The following LOC400499 variants were observed in gnomAD, a reference collection of about 807,000 sequenced individuals.
chr16:11,411,946 T>G, the LOC400499 span, among the ~76,000 whole-genome samples: 1 of 151,880 alleles, frequency 6.6e-6, no homozygotes, highest in South Asian at 2.1e-4. Flanking sequence ...CACTGCAGCT[T>G]CGATCTCCCA....
At chr16:11,514,968 C>G in the LOC400499 span, among the ~76,000 whole-genome samples, 1,533 of 152,162 alleles carry the variant, frequency 0.01, 26 homozygotes, top group African/African-American at 0.035. Context: ...AAGCACTTGC[C>G]TCTTCAGGGA....
At chr16:11,393,438 A>G in the LOC400499 span, 1 of 1,232,258 alleles carries the variant, frequency 8.1e-7, no homozygotes, top group Non-Finnish European at 1.0e-6. Context: ...GGCCCGGAAC[A>G]CAGACAGCCT....
the LOC400499 span, among the ~76,000 whole-genome samples, chr16:11,410,462 T>A: frequency 6.6e-6 from 1 of 152,024 alleles, no homozygotes; most frequent in Non-Finnish European, 1.5e-5. Flanking sequence ...TCAAAAAAAA[T>A]TTAAAAATTA....
chr16:11,476,751 A>T, the LOC400499 span: 33 of 399,506 alleles, frequency 8.3e-5, no homozygotes, highest in East Asian at 1.1e-3. Flanking sequence ...TCCTGCCGGC[A>T]CTGGGCACCC....
chr16:11,498,744 T>G, the LOC400499 span, among the ~76,000 whole-genome samples: 1 of 151,456 alleles, frequency 6.6e-6, no homozygotes, highest in Non-Finnish European at 1.5e-5. Context: ...GTGAGGCAGG[T>G]AGAGGAAGCT....
chr16:11,414,131 C>T, the LOC400499 span, among the ~76,000 whole-genome samples: 3 of 152,218 alleles, frequency 2.0e-5, no homozygotes, highest in Admixed American at 6.5e-5. Context: ...GGGCACCCAT[C>T]CACACCAGCC....
chr16:11,518,318 G>C, the LOC400499 span, among the ~76,000 whole-genome samples: 5 of 152,176 alleles, frequency 3.3e-5, no homozygotes, highest in Admixed American at 2.0e-4. Flanking sequence ...CAGGCTGGCG[G>C]CTGCTCTGAG....
chr16:11,427,028 G>C, the LOC400499 span, among the ~76,000 whole-genome samples: 1 of 151,290 alleles, frequency 6.6e-6, no homozygotes, highest in African/African-American at 2.4e-5. Flanking sequence ...CATGTGACCT[G>C]TCTCAAAGGA....
the LOC400499 span, among the ~76,000 whole-genome samples, chr16:11,428,924 A>G: frequency 1.3e-5 from 2 of 152,004 alleles, no homozygotes; most frequent in South Asian, 4.2e-4. Context: ...GCAATCTTGC[A>G]TGGGAAATGG....
chr16:11,468,979 T>C, the LOC400499 span, among the ~76,000 whole-genome samples: 1 of 152,266 alleles, frequency 6.6e-6, no homozygotes, highest in Non-Finnish European at 1.5e-5. Flanking sequence ...TTAACATCAA[T>C]GACGGTGGGA....
At chr16:11,502,128 C>A in the LOC400499 span, 1 of 399,006 alleles carries the variant, frequency 2.5e-6, no homozygotes, top group Non-Finnish European at 4.4e-6. Flanking sequence ...CATCAGCTCA[C>A]CCCCAGAAAG....
the LOC400499 span, among the ~76,000 whole-genome samples, chr16:11,476,153 T>A: frequency 0.25 from 31,169 of 126,338 alleles, 3,535 homozygotes; most frequent in African/African-American, 0.33. Flanking sequence ...GGGGTCAGGA[T>A]AGAGGGGGAC....
the LOC400499 span, among the ~76,000 whole-genome samples, chr16:11,481,845 G>A: frequency 2.8e-4 from 42 of 152,014 alleles, no homozygotes; most frequent in Middle Eastern, 3.4e-3. Flanking sequence ...ATGTTGACCC[G>A]GCTGGTCTTG....
the LOC400499 span, among the ~76,000 whole-genome samples, chr16:11,396,092 C>T: frequency 6.6e-6 from 1 of 152,218 alleles, no homozygotes; most frequent in Non-Finnish European, 1.5e-5. Flanking sequence ...AGGCACTGCT[C>T]TAAGCGATCT....
the LOC400499 span, chr16:11,372,595 T>C: frequency 3.7e-6 from 1 of 267,552 alleles, no homozygotes; most frequent in African/African-American, 2.3e-5. Context: ...TTGCAGCACG[T>C]GCGGTTCTGA....
chr16:11,435,570 C>T, the LOC400499 span: 7 of 398,334 alleles, frequency 1.8e-5, no homozygotes, highest in Admixed American at 4.4e-5. Flanking sequence ...AGAAGAGGGG[C>T]CTCTGAGTGA....
the LOC400499 span, among the ~76,000 whole-genome samples, chr16:11,432,900 T>C: frequency 1.6e-4 from 25 of 152,368 alleles, no homozygotes; most frequent in African/African-American, 5.3e-4. Flanking sequence ...GAGGAACTCA[T>C]GGCATGAATT....
At chr16:11,390,665 G>C in the LOC400499 span, among the ~76,000 whole-genome samples, 1 of 152,210 alleles carries the variant, frequency 6.6e-6, no homozygotes, top group Admixed American at 6.5e-5. Flanking sequence ...TGCAAGGCCT[G>C]CTTATAAGGT....
the LOC400499 span, among the ~76,000 whole-genome samples, chr16:11,488,006 A>G: frequency 6.6e-6 from 1 of 151,716 alleles, no homozygotes; most frequent in South Asian, 2.1e-4. Context: ...AGTCCCAGCT[A>G]CTCGGGAGGC....
Sources: allele counts gnomAD v4.1 joint callset (sites outside exome capture counted in the v4.1 genomes callset), GRCh38; gene constraint gnomAD v4.1.1; transcripts MANE v1.5.